The following LINGO2 variants were observed in gnomAD, a reference collection of about 807,000 sequenced individuals.
The protein encoded by LINGO2 is leucine rich repeat and Ig domain containing 2, also known as leucine-rich repeat and immunoglobulin-like domain-containing nogo receptor-interacting protein 2.
LINGO2 carries 14 observed loss-of-function variants against 30.6 expected under a neutral mutation model. The observed-to-expected ratio is 0.46, with a 90% CI of 0.30 to 0.72. The LOEUF is 0.72. Ranked by LOEUF, LINGO2 falls within the 30% of genes least tolerant of loss-of-function variation. The probability of loss-of-function intolerance (pLI) is 0.07; values close to 1 mark genes in which losing one functional copy is unlikely to be tolerated. For synonymous variants in LINGO2, 317 were observed against 288.5 expected, an observed-to-expected ratio of 1.10 and a Z score of -1.00; for missense variants, 729 against 751.7, an observed-to-expected ratio of 0.97 and a Z score of 0.35.
chr9:29,174,516 T>C, the LINGO2 span, among the ~76,000 whole-genome samples: 2 of 152,112 alleles, frequency 1.3e-5, no homozygotes, highest in Non-Finnish European at 2.9e-5. Context: ...TGAAAACTAC[T>C]TAACAGAAAT....
chr9:29,205,087 C>T, the LINGO2 span, among the ~76,000 whole-genome samples: 1 of 152,176 alleles, frequency 6.6e-6, no homozygotes, highest in Non-Finnish European at 1.5e-5. Flanking sequence ...TGTCGCCAGG[C>T]TGGAGTGCAG....
At chr9:29,096,197 A>T in the LINGO2 span, among the ~76,000 whole-genome samples, 1 of 139,612 alleles carries the variant, frequency 7.2e-6, no homozygotes, top group Non-Finnish European at 1.6e-5. Context: ...CTGCTCTGCT[A>T]TAGAGTGATT....
the LINGO2 span, among the ~76,000 whole-genome samples, chr9:29,103,566 ATTTC>A: frequency 2.2e-4 from 33 of 152,108 alleles, no homozygotes; most frequent in African/African-American, 7.0e-4. Flanking sequence ...TTTTAAATAT[ATTTC>A]TTTATTTTAG....
intron 4 of LINGO2, among the ~76,000 whole-genome samples, chr9:28,212,208 A>G (rs1435050934): frequency 6.6e-6 from 1 of 151,546 alleles, no homozygotes; most frequent in Non-Finnish European, 1.5e-5. Context: ...TGAAGACAAC[A>G]CCATCGTGAA....
intron 5 of LINGO2, among the ~76,000 whole-genome samples, chr9:27,991,841 A>G (rs1200321448): frequency 6.6e-6 from 1 of 152,028 alleles, no homozygotes; most frequent in African/African-American, 2.4e-5. Context: ...GTCATATTAA[A>G]ATATTATATG....
At chr9:28,603,913 C>A (rs16913388) in intron 1 of LINGO2, among the ~76,000 whole-genome samples, 5,350 of 152,092 alleles carry the variant, frequency 0.035, 329 homozygotes, top group African/African-American at 0.12. Context: ...TAGACTCACC[C>A]ATGTATACTA....
At chr9:29,160,780 A>G in the LINGO2 span, among the ~76,000 whole-genome samples, 4 of 152,238 alleles carry the variant, frequency 2.6e-5, no homozygotes, top group Non-Finnish European at 5.9e-5. Context: ...AAATTAAGCT[A>G]TAAGGTATAT....
At chr9:28,684,812 C>A in the LINGO2 span, among the ~76,000 whole-genome samples, 2 of 152,086 alleles carry the variant, frequency 1.3e-5, no homozygotes, top group African/African-American at 4.8e-5. Flanking sequence ...AGACACTGCA[C>A]CTGGACATTT....
the LINGO2 span, among the ~76,000 whole-genome samples, chr9:29,050,509 T>C: frequency 6.6e-6 from 1 of 152,122 alleles, no homozygotes; most frequent in Non-Finnish European, 1.5e-5. Context: ...AACCAGAAAT[T>C]AACGAGACTG....
intron 5 of LINGO2, among the ~76,000 whole-genome samples, chr9:27,983,227 A>G (rs1383109859): frequency 1.3e-5 from 2 of 151,950 alleles, no homozygotes; most frequent in Non-Finnish European, 2.9e-5. Context: ...ATGAATTTAT[A>G]TGCTTACATA....
chr9:29,132,624 T>C, the LINGO2 span, among the ~76,000 whole-genome samples: 1 of 152,164 alleles, frequency 6.6e-6, no homozygotes, highest in Admixed American at 6.6e-5. Flanking sequence ...CTGTGGAGTG[T>C]ACATTCATTT....
At chr9:28,808,612 C>G in the LINGO2 span, among the ~76,000 whole-genome samples, 1 of 152,150 alleles carries the variant, frequency 6.6e-6, no homozygotes, top group South Asian at 2.1e-4. Flanking sequence ...ACTATTCATT[C>G]CATGTGGCAG....
At chr9:28,873,579 G>C in the LINGO2 span, among the ~76,000 whole-genome samples, 5 of 151,924 alleles carry the variant, frequency 3.3e-5, no homozygotes, top group African/African-American at 1.2e-4. Flanking sequence ...ATTGGAATTT[G>C]CCAACCCTTA....
intron 1 of LINGO2, among the ~76,000 whole-genome samples, chr9:28,492,805 C>T (rs575806382): frequency 6.6e-6 from 1 of 151,970 alleles, no homozygotes; most frequent in Non-Finnish European, 1.5e-5. Context: ...TCAATAAATG[C>T]AGAACTGCAA....
At chr9:28,401,985 G>GT (rs1822286777) in intron 2 of LINGO2, among the ~76,000 whole-genome samples, 1 of 151,854 alleles carries the variant, frequency 6.6e-6, no homozygotes, top group African/African-American at 2.4e-5. Flanking sequence ...ATGGGGTTGT[G>GT]TTTTTTTCTT....
intron 4 of LINGO2, among the ~76,000 whole-genome samples, chr9:28,039,777 TTC>T (rs1020835134): frequency 1.3e-5 from 2 of 152,208 alleles, no homozygotes; most frequent in African/African-American, 4.8e-5. Context: ...CCAATTAAAA[TTC>T]TGTTCCTTAA....
exon 6 of LINGO2, chr9:27,948,571 G>C (rs1823459911): frequency 2.8e-6 from 1 of 355,788 alleles, no homozygotes. Flanking sequence ...TTGTCCGTGA[G>C]TGTGAGCCAA....
chr9:28,507,467 C>A (rs1284824439), intron 1 of LINGO2, among the ~76,000 whole-genome samples: 1 of 152,086 alleles, frequency 6.6e-6, no homozygotes, highest in African/African-American at 2.4e-5. Context: ...ACTCACCATC[C>A]TACCTTAGAT....
At chr9:28,937,737 C>T in the LINGO2 span, among the ~76,000 whole-genome samples, 11 of 152,116 alleles carry the variant, frequency 7.2e-5, no homozygotes, top group African/African-American at 2.4e-4. Context: ...TCTGGGCCTG[C>T]GGTGTGAGTG....
Sources: gnomAD v4.1 joint callset for allele counts (sites outside exome capture counted in the v4.1 genomes callset) on GRCh38, gnomAD v4.1.1 for gene constraint, MANE v1.5 for transcripts, NCBI Gene and HGNC (gene_info 2026-07-23, HGNC 2026-07-21) for gene names.